The following LUZP2 variants were observed in gnomAD, a reference collection of about 807,000 sequenced individuals.
The protein encoded by LUZP2 is leucine zipper protein 2.
Under a neutral mutation model 51.6 loss-of-function variants are expected in LUZP2, and 52 were observed. The observed-to-expected ratio is 1.01, with a 90% CI of 0.81 to 1.27. The LOEUF is 1.27. Ranked by LOEUF, LUZP2 falls within the 50% of genes most tolerant of loss-of-function variation. The pLI is 0.00. For missense variants in LUZP2, 436 were observed against 395.4 expected, an observed-to-expected ratio of 1.10 and a Z score of -0.87; for synonymous variants, 154 against 137.3, an observed-to-expected ratio of 1.12 and a Z score of -0.85.
At chr11:24,805,948 T>C (rs768950569) in intron 5 of LUZP2, among the ~76,000 whole-genome samples, 1 of 152,160 alleles carries the variant, frequency 6.6e-6, no homozygotes, top group Non-Finnish European at 1.5e-5. Context: ...ATTTCTGTCC[T>C]GCAACAAGAG....
intron 1 of LUZP2, among the ~76,000 whole-genome samples, chr11:24,592,977 G>A (rs902265358): frequency 2.0e-5 from 3 of 152,052 alleles, no homozygotes; most frequent in African/African-American, 7.2e-5. Flanking sequence ...ATGTCCCCCT[G>A]AAGGGACACA....
chr11:24,576,211 G>A (rs1288312490), intron 1 of LUZP2, among the ~76,000 whole-genome samples: 3 of 151,796 alleles, frequency 2.0e-5, no homozygotes, highest in Non-Finnish European at 2.9e-5. Flanking sequence ...AGGAGTTCGA[G>A]AGCAGCCTGG....
chr11:25,021,218 C>A (rs192591997), intron 9 of LUZP2, among the ~76,000 whole-genome samples: 1 of 151,742 alleles, frequency 6.6e-6, no homozygotes, highest in African/African-American at 2.4e-5. Flanking sequence ...TGAAGAAAAT[C>A]TTGATGGGCA....
At chr11:24,546,028 T>C (rs1851528851) in intron 1 of LUZP2, among the ~76,000 whole-genome samples, 1 of 152,198 alleles carries the variant, frequency 6.6e-6, no homozygotes, top group South Asian at 2.1e-4. Flanking sequence ...CAAGGTATTT[T>C]ATGCTTTTTT....
chr11:24,974,444 A>G (rs973297297), intron 7 of LUZP2, among the ~76,000 whole-genome samples: 1 of 152,008 alleles, frequency 6.6e-6, no homozygotes, highest in African/African-American at 2.4e-5. Flanking sequence ...TTTAAGATTA[A>G]TATTATTATA....
At chr11:24,975,874 C>T (rs1202951686) in intron 7 of LUZP2, among the ~76,000 whole-genome samples, 1 of 151,910 alleles carries the variant, frequency 6.6e-6, no homozygotes, top group African/African-American at 2.4e-5. Flanking sequence ...AAATAGAGTA[C>T]ATATTAGTAC....
At chr11:24,865,427 G>T (rs758368446) in intron 5 of LUZP2, among the ~76,000 whole-genome samples, 2 of 152,170 alleles carry the variant, frequency 1.3e-5, no homozygotes, top group Non-Finnish European at 2.9e-5. Flanking sequence ...CTATGGCAAA[G>T]ATTTAGTAAA....
rs569545068 is a variant in LUZP2, at chr11:24,898,216, C to T, written c.397-7775C>T. Among the ~76,000 whole-genome samples the T allele has an allele frequency of 3.3e-5, 5 of 150,974 alleles. No homozygotes were observed. The Admixed American group carries it at 3.3e-4, about 10-fold the overall frequency. ...CATAAATTGGAAGAGTAAAGCATAT[C>T]TAAGACATCCAGTTTATGAGTGACA... On this transcript the variant is annotated intron_variant, in intron 5 of 11. Coordinates refer to ENST00000336930, the MANE Select transcript of LUZP2 (RefSeq NM_001009909.4).
chr11:25,029,139 A>G (rs1343231470), intron 9 of LUZP2, among the ~76,000 whole-genome samples: 1 of 152,122 alleles, frequency 6.6e-6, no homozygotes, highest in African/African-American at 2.4e-5. Context: ...CAAAAAGAAA[A>G]TAGAAAGAAT....
rs542021528 is a variant in LUZP2, at chr11:24,960,698, C to G, written c.523-15893C>G. Among the ~76,000 whole-genome samples the G allele has an allele frequency of 8.5e-5, 13 of 152,236 alleles. No individual in the cohort carries two copies. The East Asian group carries it at 1.2e-3, about 14-fold the overall frequency. ...TTTCTTGAGCCTTTCAAAAAACCAGCTCCTGGATTCATTAATTTTTTGAAG... is the reference window on the plus strand; with the variant it reads ...TTTCTTGAGCCTTTCAAAAAACCAGGTCCTGGATTCATTAATTTTTTGAAG... On this transcript the variant is annotated intron_variant, in intron 7 of 11. Coordinates refer to ENST00000336930, the MANE Select transcript of LUZP2 (RefSeq NM_001009909.4).
At chr11:24,572,491 T>C (rs1483513908) in intron 1 of LUZP2, among the ~76,000 whole-genome samples, 3 of 152,150 alleles carry the variant, frequency 2.0e-5, no homozygotes, top group African/African-American at 7.2e-5. Context: ...GTAAATATAG[T>C]ACTACTCAAA....
At chr11:24,673,151 G>A (rs1037114841) in intron 1 of LUZP2, among the ~76,000 whole-genome samples, 5 of 152,044 alleles carry the variant, frequency 3.3e-5, no homozygotes, top group Non-Finnish European at 7.4e-5. Flanking sequence ...AATCCCTGGT[G>A]CCAAAAAGGT....
chr11:24,730,138 A>AGTGGTG (rs1217951516), intron 2 of LUZP2, among the ~76,000 whole-genome samples: 2 of 150,880 alleles, frequency 1.3e-5, no homozygotes, highest in Non-Finnish European at 3.0e-5. Context: ...TGATGGTGGT[A>AGTGGTG]GTGGTGGTGG....
chr11:24,777,832 G>A (rs1848981217), intron 5 of LUZP2, among the ~76,000 whole-genome samples: 1 of 151,670 alleles, frequency 6.6e-6, no homozygotes, highest in African/African-American at 2.4e-5. Flanking sequence ...GTGGTGATGA[G>A]TATACAACAT....
intron 1 of LUZP2, among the ~76,000 whole-genome samples, chr11:24,576,825 T>C (rs1852669234): frequency 6.6e-6 from 1 of 152,132 alleles, no homozygotes; most frequent in Admixed American, 6.6e-5. Context: ...CCAAATTACT[T>C]GTTATATATA....
chr11:24,680,620 G>A (rs1186508501), intron 1 of LUZP2, among the ~76,000 whole-genome samples: 1 of 152,126 alleles, frequency 6.6e-6, no homozygotes, highest in African/African-American at 2.4e-5. Context: ...CATTGTGATT[G>A]GAGATAATTA....
intron 1 of LUZP2, among the ~76,000 whole-genome samples, chr11:24,520,941 A>G (rs772440144): frequency 1.5e-4 from 23 of 152,216 alleles, no homozygotes; most frequent in Non-Finnish European, 2.4e-4. Flanking sequence ...AGTCCGCACC[A>G]TCATTAGCTC....
chr11:24,695,443 A>T (rs1857216127), intron 1 of LUZP2, among the ~76,000 whole-genome samples: 1 of 152,076 alleles, frequency 6.6e-6, no homozygotes, highest in Admixed American at 6.6e-5. Flanking sequence ...ATTTACCTCA[A>T]CAATTGGTTA....
intron 6 of LUZP2, among the ~76,000 whole-genome samples, chr11:24,910,075 C>T (rs1383979491): frequency 6.6e-6 from 1 of 152,088 alleles, no homozygotes; most frequent in Non-Finnish European, 1.5e-5. Flanking sequence ...GTGATTCTTG[C>T]TATGCTGTAG....
Sources: gnomAD v4.1 joint callset for allele counts (sites outside exome capture counted in the v4.1 genomes callset) on GRCh38, gnomAD v4.1.1 for gene constraint, MANE v1.5 for transcripts, NCBI Gene and HGNC (gene_info 2026-07-23, HGNC 2026-07-21) for gene names.